The following RANBP1 variants were observed in gnomAD, a reference collection of about 807,000 sequenced individuals.
The protein encoded by RANBP1 is RAN binding protein 1.
In RANBP1, 16 loss-of-function variants were observed where a neutral mutation model predicts 31.4. The observed-to-expected ratio is 0.51, with a 90% CI of 0.34 to 0.77. RANBP1 has a LOEUF of 0.77. Among genes scored for constraint, RANBP1 ranks in the 30% least tolerant of loss-of-function variants. The pLI, the probability that RANBP1 is intolerant of heterozygous loss-of-function variation, is 0.01. For missense variants in RANBP1, 265 were observed against 362.0 expected (o/e 0.73, Z 2.17); for synonymous variants, 129 against 140.5 (o/e 0.92, Z 0.58).
Position 20,127,105 on chromosome 22 carries a change from T to G in RANBP1, c.*53T>G. On this transcript the variant is annotated 3_prime_UTR_variant, in exon 6 of 6. Transcript: ENST00000430524. ...TCTTTCCTTTCCTTTTTTTAAAAAATTTTACCCTGCCCCTCTTTTTCGGTT... is the reference window on the plus strand; with the variant it reads ...TCTTTCCTTTCCTTTTTTTAAAAAAGTTTACCCTGCCCCTCTTTTTCGGTT... 2 of 1,467,812 alleles carry G rather than the reference T, an allele frequency of 1.4e-6. No homozygotes were observed. Among genetic ancestry groups the G allele is most frequent in the Non-Finnish European group, 9.2e-7 (1 of 1,086,276 alleles). The allele number at this position is 1,467,812 out of a possible 1,614,324, so 90.9% of individuals were successfully genotyped here.
intron 2 of RANBP1, among the ~76,000 whole-genome samples, chr22:20,121,934 T>C (rs1408021244): frequency 6.6e-6 from 1 of 152,172 alleles, no homozygotes; most frequent in African/African-American, 2.4e-5. Flanking sequence ...AGATGGGGTT[T>C]CACCATGTTG....
At chr22:20,118,957 T>C in intron 1 of RANBP1, 56 bp from the exon 2 acceptor site, 2 of 1,581,236 alleles carry the variant, frequency 1.3e-6, no homozygotes, top group Non-Finnish European at 1.7e-6. Flanking sequence ...CTGGTTGGGC[T>C]CTGGTTGTGA....
chr22:20,120,268 A>T (rs531700809), intron 2 of RANBP1, among the ~76,000 whole-genome samples: 1 of 152,210 alleles, frequency 6.6e-6, no homozygotes, highest in Non-Finnish European at 1.5e-5. Context: ...ACAGAGGGTG[A>T]TGGACATCTC....
intron 1 of RANBP1, chr22:20,118,068 T>C (rs1017148995): frequency 1.8e-5 from 18 of 997,120 alleles, no homozygotes; most frequent in Non-Finnish European, 2.2e-5. Flanking sequence ...ATTCATTCGG[T>C]TCTTACGTCT....
intron 4 of RANBP1, 113 bp downstream of exon 4, chr22:20,125,549 G>T (rs1330934951): frequency 6.5e-7 from 1 of 1,538,188 alleles, no homozygotes. Flanking sequence ...CAGTAACTGG[G>T]AAGTGTGTCG....
At chr22:20,117,161 C>G in intron 1 of RANBP1, 2 of 556,578 alleles carry the variant, frequency 3.6e-6, no homozygotes, top group Non-Finnish European at 6.0e-6. Flanking sequence ...GGGCCCGCGC[C>G]GGCCGCTCGC....
chr22:20,116,743 C>T, intron 1 of RANBP1: 2 of 1,367,766 alleles, frequency 1.5e-6, no homozygotes, highest in Non-Finnish European at 2.0e-6. Flanking sequence ...CCCCAGTCTA[C>T]CCTCCCGACC....
intron 2 of RANBP1, 199 bp downstream of exon 2, chr22:20,119,348 C>T (rs1434913931): frequency 5.1e-6 from 3 of 582,660 alleles, no homozygotes; most frequent in East Asian, 5.9e-5. Flanking sequence ...GCCCTGCAGC[C>T]AGTTGCATGA....
intron 3 of RANBP1, chr22:20,124,083 C>T (rs1316664264): frequency 6.5e-6 from 1 of 152,780 alleles, no homozygotes; most frequent in Non-Finnish European, 1.5e-5. Flanking sequence ...TCCCTCCCTG[C>T]TCAGCATGTC....
At chr22:20,117,157 G>A (rs2147969808) in intron 1 of RANBP1, 3 of 557,552 alleles carry the variant, frequency 5.4e-6, no homozygotes, top group African/African-American at 2.0e-5. Flanking sequence ...CCAGGGGCCC[G>A]CGCCGGCCGC....
At chr22:20,120,539 T>C (rs73877141) in intron 2 of RANBP1, among the ~76,000 whole-genome samples, 7,139 of 152,238 alleles carry the variant, frequency 0.047, 237 homozygotes, top group East Asian at 0.091. Flanking sequence ...CAGAATCATG[T>C]TGGGGCAGAG....
chr22:20,123,300 TC>T (rs1268025786), intron 3 of RANBP1, among the ~76,000 whole-genome samples: 3 of 90 alleles, frequency 0.033, 1 homozygote, highest in Admixed American at 0.12. Context: ...GTTTGTGGTG[TC>T]TAAGGGGTGT....
In RANBP1 at chr22:20,120,772, A is replaced by G. The variant is rs571463025; in HGVS notation, c.384-1492A>G. ...GATGACCCGCCCGCCTCAGCCTCCC[A>G]AAATGCTGGGATTACAGGTGTGAGC... On this transcript the variant is annotated intron_variant, in intron 2 of 5. Transcript: ENST00000430524. Among the ~76,000 whole-genome samples the G allele has an allele frequency of 2.0e-5, 3 of 152,290 alleles. No homozygotes were observed. The East Asian group carries it at 5.8e-4, about 30-fold the overall frequency.
intron 1 of RANBP1, chr22:20,116,825 C>A: frequency 6.9e-7 from 1 of 1,439,234 alleles, no homozygotes; most frequent in Non-Finnish European, 9.6e-7. Flanking sequence ...GTTTCCTGAC[C>A]CACCCCGCCT....
chr22:20,121,848 C>T (rs1602540514), intron 2 of RANBP1, among the ~76,000 whole-genome samples: 2 of 138,696 alleles, frequency 1.4e-5, no homozygotes, highest in South Asian at 4.3e-4. Context: ...AAGTGATTGT[C>T]GTGCCTCAGC....
chr22:20,120,802 G>A (rs557300316), intron 2 of RANBP1, among the ~76,000 whole-genome samples: 13 of 152,296 alleles, frequency 8.5e-5, no homozygotes, highest in African/African-American at 2.9e-4. Context: ...GTGAGCCACC[G>A]CGTCCGGTCA....
At chr22:20,117,447 A>G in intron 1 of RANBP1, 1 of 1,186,838 alleles carries the variant, frequency 8.4e-7, no homozygotes, top group East Asian at 4.1e-5. Flanking sequence ...CTGAGCCAAT[A>G]AAGCTGTACT....
intron 3 of RANBP1, chr22:20,124,135 G>C (rs767050121): frequency 6.6e-6 from 1 of 152,648 alleles, no homozygotes; most frequent in Non-Finnish European, 1.5e-5. Context: ...CCTCCTCCTC[G>C]AGCCGTTTGA....
intron 2 of RANBP1, among the ~76,000 whole-genome samples, chr22:20,120,955 T>G (rs1231721341): frequency 6.6e-6 from 1 of 152,238 alleles, no homozygotes; most frequent in Non-Finnish European, 1.5e-5. Flanking sequence ...GCTGGGGTGC[T>G]CTTGCACAGT....
Sources: allele counts gnomAD v4.1 joint callset (sites outside exome capture counted in the v4.1 genomes callset), GRCh38; gene constraint gnomAD v4.1.1; transcripts MANE v1.5; gene names NCBI Gene and HGNC (gene_info 2026-07-23, HGNC 2026-07-21).